EVL: variants seen among roughly 807,000 people sequenced by gnomAD.
EVL encodes the protein Enah/Vasp-like, also known as ena/VASP-like protein.
In EVL, 21 loss-of-function variants were observed where a neutral mutation model predicts 59.6. That is an observed-to-expected ratio of 0.35 (90% CI 0.25 to 0.51). The LOEUF (loss-of-function observed/expected upper bound fraction) is 0.51, where lower values mean the gene tolerates loss of function less well. Among genes scored for constraint, EVL ranks in the 20% least tolerant of loss-of-function variants. The pLI, the probability that EVL is intolerant of heterozygous loss-of-function variation, is 0.97. For synonymous variants in EVL, 198 were observed against 203.5 expected (o/e 0.97, Z 0.23); for missense variants, 462 against 546.6 (o/e 0.85, Z 1.54).
intron 2 of EVL, among the ~76,000 whole-genome samples, chr14:100,087,388 T>C (rs2062468427): frequency 6.6e-6 from 1 of 152,124 alleles, no homozygotes; most frequent in South Asian, 2.1e-4. Flanking sequence ...CCAAGGCAGG[T>C]GGATCACTTG....
At chr14:100,038,771 G>GGTGTGTGTGTGTGTGTGTGTGTGTGT (rs61309441) in intron 1 of EVL, among the ~76,000 whole-genome samples, 139 of 141,002 alleles carry the variant, frequency 9.9e-4, no homozygotes, top group Middle Eastern at 3.6e-3. Context: ...TGTGCCCTGG[G>GGTGTGTGTGTGTGTGTGTGTGTGTGT]GTGTGTGTGT....
chr14:99,978,274 T>C (rs1464900755), intron 1 of EVL, among the ~76,000 whole-genome samples: 2 of 149,676 alleles, frequency 1.3e-5, no homozygotes, highest in Non-Finnish European at 3.0e-5. Context: ...TGGTGGCGGG[T>C]GCCTGTAGTC....
intron 3 of EVL, among the ~76,000 whole-genome samples, chr14:100,115,448 C>T (rs927516141): frequency 1.2e-4 from 18 of 152,274 alleles, no homozygotes; most frequent in Admixed American, 9.2e-4. Context: ...TCTCCAGTGT[C>T]TCCTTGTTAG....
At chr14:100,052,301 C>T (rs1325077622) in intron 1 of EVL, among the ~76,000 whole-genome samples, 1 of 152,138 alleles carries the variant, frequency 6.6e-6, no homozygotes, top group Non-Finnish European at 1.5e-5. Flanking sequence ...GTCAGACCTT[C>T]TTTGTAAATT....
chr14:99,986,468 A>G (rs1417571010), intron 1 of EVL, among the ~76,000 whole-genome samples: 1 of 152,084 alleles, frequency 6.6e-6, no homozygotes, highest in Admixed American at 6.6e-5. Context: ...TAAGCAACAG[A>G]CTGAATCAGA....
At chr14:100,134,273 CGCTG>C (rs1888630761) in intron 8 of EVL, among the ~76,000 whole-genome samples, 1 of 152,188 alleles carries the variant, frequency 6.6e-6, no homozygotes, top group Non-Finnish European at 1.5e-5. Context: ...CTGAAGACAT[CGCTG>C]GCCTTTCTTA....
intron 7 of EVL, 130 bp from the exon 8 acceptor site, chr14:100,132,589 C>T: frequency 9.5e-7 from 1 of 1,049,626 alleles, no homozygotes; most frequent in Non-Finnish European, 1.5e-6. Context: ...CCGCCTCCTT[C>T]ACGCCATCGT....
chr14:100,118,486 C>A (rs1887490917), intron 3 of EVL, among the ~76,000 whole-genome samples: 5 of 152,208 alleles, frequency 3.3e-5, no homozygotes, highest in African/African-American at 1.2e-4. Flanking sequence ...GGGCACATGG[C>A]AATTCTTCAT....
chr14:99,975,738 A>T (rs1439460446), intron 1 of EVL, among the ~76,000 whole-genome samples: 1 of 152,220 alleles, frequency 6.6e-6, no homozygotes. Flanking sequence ...ATGCTCACTC[A>T]TCTGCCACTC....
In EVL at chr14:100,094,293, C is replaced by T. The variant is rs150642484; in HGVS notation, c.181-3188C>T. 4.6e-3 allele frequency among the ~76,000 whole-genome samples: 699 copies of T among 152,260 alleles called. 4 individuals are homozygous for T. The highest frequency in any genetic ancestry group is 0.015 in the African/African-American group (641 of 41,560). On this transcript the variant is annotated intron_variant, in intron 2 of 13. Transcript: ENST00000392920. ...GCTATTTAGCCCCTTCAGTGGTTGT[C>T]TGCTGGCCATATTGTCCATATTCTG...
intron 1 of EVL, among the ~76,000 whole-genome samples, chr14:99,980,109 C>T (rs942494055): frequency 6.6e-6 from 1 of 152,178 alleles, no homozygotes; most frequent in Non-Finnish European, 1.5e-5. Context: ...TGAACATCTG[C>T]AAACTTTGGT....
At chr14:100,011,609 A>G (rs748541959) in intron 1 of EVL, among the ~76,000 whole-genome samples, 28 of 152,228 alleles carry the variant, frequency 1.8e-4, no homozygotes, top group Non-Finnish European at 3.5e-4. Context: ...AATATTGAGC[A>G]TATAAGCATC....
chr14:100,104,854 A>T (rs74919892), intron 3 of EVL, among the ~76,000 whole-genome samples: 11,371 of 151,700 alleles, frequency 0.075, 749 homozygotes, highest in East Asian at 0.38. Context: ...GTGAATTTAA[A>T]GATAGGAAGG....
intron 1 of EVL, among the ~76,000 whole-genome samples, chr14:100,077,995 C>T (rs1261260902): frequency 1.3e-5 from 2 of 152,090 alleles, no homozygotes; most frequent in East Asian, 3.9e-4. Flanking sequence ...AGGATGGTCT[C>T]GATCTCCTGA....
chr14:99,997,674 T>C (rs2060922534), intron 1 of EVL, among the ~76,000 whole-genome samples: 1 of 152,196 alleles, frequency 6.6e-6, no homozygotes, highest in Non-Finnish European at 1.5e-5. Context: ...CTAGGTCAGG[T>C]GAGGCAATAA....
At chr14:100,006,077 G>A (rs2060978823) in intron 1 of EVL, among the ~76,000 whole-genome samples, 1 of 149,002 alleles carries the variant, frequency 6.7e-6, no homozygotes, top group Non-Finnish European at 1.5e-5. Flanking sequence ...AGCCACTTCA[G>A]AGGCCTCGTT....
chr14:100,051,308 G>A (rs2061644264), intron 1 of EVL, among the ~76,000 whole-genome samples: 1 of 151,996 alleles, frequency 6.6e-6, no homozygotes. Context: ...CAGTCACTTG[G>A]CAGCTGTCTC....
chr14:100,096,045 GC>G (rs2140317995), intron 2 of EVL, among the ~76,000 whole-genome samples: 1 of 152,126 alleles, frequency 6.6e-6, no homozygotes, highest in Admixed American at 6.5e-5. Flanking sequence ...CGTTTTTTTA[GC>G]TGATTTAGTG....
In EVL at chr14:100,143,852, GC is replaced by G; in HGVS notation, c.*115del. 4 of 1,318,972 alleles carry G rather than the reference GC, an allele frequency of 3.0e-6. No homozygotes were observed. In the South Asian group the frequency reaches 5.3e-5, roughly 17 times the overall value. 81.7% of individuals were successfully genotyped at this position (1,318,972 alleles called of 1,614,324 possible). ...AGAGCACGCACAGGAGCCTGGGCGCGCTGCTGTGAAACGTCCTGACCTGTGA... is the reference window on the plus strand; with the variant it reads ...AGAGCACGCACAGGAGCCTGGGCGCGTGCTGTGAAACGTCCTGACCTGTGA... On this transcript the variant is annotated 3_prime_UTR_variant, in exon 14 of 14. Coordinates refer to ENST00000392920, the MANE Select transcript of EVL (RefSeq NM_016337.3).
Sources: allele counts gnomAD v4.1 joint callset (sites outside exome capture counted in the v4.1 genomes callset), GRCh38; gene constraint gnomAD v4.1.1; transcripts MANE v1.5; gene names NCBI Gene and HGNC (gene_info 2026-07-23, HGNC 2026-07-21).